The following WWTR1 variants were observed in gnomAD, a reference collection of about 807,000 sequenced individuals.
WWTR1 encodes WW domain-containing transcription regulator protein 1.
Under a neutral mutation model 40.1 loss-of-function variants are expected in WWTR1, and 13 were observed. The ratio of observed to expected loss-of-function variants is 0.32; its 90% confidence interval spans 0.21 to 0.52. The LOEUF (loss-of-function observed/expected upper bound fraction) is 0.52. Among genes scored for constraint, WWTR1 ranks in the 20% least tolerant of loss-of-function variants. The pLI is 0.97. For missense variants in WWTR1, 436 were observed against 523.1 expected (o/e 0.83, Z 1.63); for synonymous variants, 230 against 210.1 (o/e 1.09, Z -0.82).
chr3:149,684,217 T>C (rs1576639824), intron 1 of WWTR1, among the ~76,000 whole-genome samples: 1 of 152,226 alleles, frequency 6.6e-6, no homozygotes, highest in African/African-American at 2.4e-5. Context: ...AGACAGGGTC[T>C]CGCTATGTTG....
intron 3 of WWTR1, among the ~76,000 whole-genome samples, chr3:149,557,396 A>C (rs940745533): frequency 1.3e-5 from 2 of 152,078 alleles, no homozygotes; most frequent in African/African-American, 4.8e-5. Flanking sequence ...TTTTTTAAGG[A>C]CATTGTCCCC....
intron 1 of WWTR1, among the ~76,000 whole-genome samples, chr3:149,700,924 C>T (rs1219896031): frequency 1.3e-5 from 2 of 152,226 alleles, no homozygotes; most frequent in Non-Finnish European, 2.9e-5. Context: ...AACACCAGGA[C>T]TGAAACACAG....
rs1484643548 is a variant in WWTR1 at position 149,517,248 on chromosome 3, G to C, written c.*3557C>G. The C allele has an allele frequency of 6.6e-6, 1 of 152,120 alleles. No individual in the cohort carries two copies. Among genetic ancestry groups the C allele is most frequent in the Non-Finnish European group, 1.5e-5 (1 of 68,026 alleles). The allele number at this position is 152,120 out of a possible 1,614,324, so 9.4% of individuals were successfully genotyped here. On this transcript the variant is annotated 3_prime_UTR_variant, in exon 7 of 7. Transcript: ENST00000360632. ...AAAAGCTCCAAGTGGAAGTTCAATT[G>C]TCTTTATTTTTCTTATACAGATTCA...
At chr3:149,692,788 T>G (rs532359790) in intron 1 of WWTR1, among the ~76,000 whole-genome samples, 3 of 152,254 alleles carry the variant, frequency 2.0e-5, no homozygotes, top group African/African-American at 7.2e-5. Flanking sequence ...TGCCGGCCAC[T>G]GCACACAGCT....
chr3:149,634,354 T>G (rs151136872), intron 2 of WWTR1, among the ~76,000 whole-genome samples: 1,525 of 152,298 alleles, frequency 0.01, 12 homozygotes, highest in East Asian at 0.019. Context: ...ACAAAGTAAG[T>G]GCTAGGTACA....
chr3:149,551,065 A>G (rs897470865), intron 3 of WWTR1, among the ~76,000 whole-genome samples: 1 of 144,916 alleles, frequency 6.9e-6, no homozygotes, highest in Non-Finnish European at 1.5e-5. Context: ...TGGGAGGCTG[A>G]GGCGGGCAAA....
chr3:149,533,213 A>G (rs1735673730), intron 4 of WWTR1, among the ~76,000 whole-genome samples: 1 of 152,120 alleles, frequency 6.6e-6, no homozygotes, highest in African/African-American at 2.4e-5. Context: ...GCAGGTCATC[A>G]TTGCTTCTCT....
intron 2 of WWTR1, among the ~76,000 whole-genome samples, chr3:149,617,178 T>C (rs1221094102): frequency 6.6e-6 from 1 of 152,178 alleles, no homozygotes; most frequent in Non-Finnish European, 1.5e-5. Context: ...AGGAGCCACC[T>C]TGTGCCATGA....
intron 1 of WWTR1, among the ~76,000 whole-genome samples, chr3:149,695,469 A>G (rs945464797): frequency 6.6e-6 from 1 of 152,140 alleles, no homozygotes; most frequent in African/African-American, 2.4e-5. Context: ...AAATAAAAAA[A>G]TTATTAAAGG....
chr3:149,557,869 G>A (rs534815800), intron 3 of WWTR1, among the ~76,000 whole-genome samples: 10 of 151,756 alleles, frequency 6.6e-5, no homozygotes, highest in Admixed American at 2.0e-4. Flanking sequence ...CAAGCGTGGC[G>A]GTGTGTGCCT....
At chr3:149,628,753 T>TTTTAA (rs1711498293) in intron 2 of WWTR1, among the ~76,000 whole-genome samples, 1 of 47,276 alleles carries the variant, frequency 2.1e-5, no homozygotes, top group Non-Finnish European at 8.0e-5. Context: ...TTTTATTTTA[T>TTTTAA]TTTATTTTAT....
At position 149,528,919 on chromosome 3, in the gene WWTR1, A is replaced by G. The variant is rs186418815; in HGVS notation, c.772-950T>C. Among the ~76,000 whole-genome samples, 160 of 152,374 alleles carry G rather than the reference A, an allele frequency of 1.1e-3. 1 individual carries two copies. Among genetic ancestry groups the G allele is most frequent in the African/African-American group, 3.6e-3 (150 of 41,592 alleles). On this transcript the variant is annotated intron_variant, in intron 4 of 6. Coordinates refer to ENST00000360632, the MANE Select transcript of WWTR1 (RefSeq NM_015472.6). ...GATTTCATTAGCAGAAACAAATAATACAAGCATTATTTTATAAAAGCTAGC... is the reference window on the plus strand; with the variant it reads ...GATTTCATTAGCAGAAACAAATAATGCAAGCATTATTTTATAAAAGCTAGC...
chr3:149,638,194 C>T (rs1711946094), intron 2 of WWTR1, among the ~76,000 whole-genome samples: 1 of 151,878 alleles, frequency 6.6e-6, no homozygotes, highest in Non-Finnish European at 1.5e-5. Flanking sequence ...CCAGCCTGGG[C>T]AACAAGAGCG....
At chr3:149,590,624 T>C (rs62269353) in intron 2 of WWTR1, among the ~76,000 whole-genome samples, 9,630 of 152,120 alleles carry the variant, frequency 0.063, 390 homozygotes, top group Middle Eastern at 0.11. Context: ...CCAGCCTGGG[T>C]GACAAGAGGG....
rs1344523356 is a variant in WWTR1, at chr3:149,635,144, C to A, written c.431+21732G>T. 2.0e-5 allele frequency among the ~76,000 whole-genome samples: 3 copies of A among 152,192 alleles called. No individual in the cohort carries two copies. The East Asian group carries it at 5.8e-4, about 29-fold the overall frequency. On this transcript the variant is annotated intron_variant, in intron 2 of 6. Coordinates refer to ENST00000360632, the MANE Select transcript of WWTR1 (RefSeq NM_015472.6). ...TGTTCCTCTTCTCCTGGCTAGCTCA[C>A]AGGAGTGCTGGGGATACAGTGCTCT...
chr3:149,543,039 G>T (rs149612133), intron 3 of WWTR1, among the ~76,000 whole-genome samples: 1 of 152,316 alleles, frequency 6.6e-6, no homozygotes, highest in East Asian at 1.9e-4. Flanking sequence ...CGACATATAA[G>T]GAGGACTCCA....
chr3:149,645,289 C>T (rs935797152), intron 2 of WWTR1, among the ~76,000 whole-genome samples: 3 of 151,844 alleles, frequency 2.0e-5, no homozygotes, highest in Non-Finnish European at 2.9e-5. Context: ...CCGTGTTAGC[C>T]AGGATGGTCT....
At chr3:149,586,798 C>A (rs1437477075) in intron 2 of WWTR1, among the ~76,000 whole-genome samples, 1 of 152,144 alleles carries the variant, frequency 6.6e-6, no homozygotes, top group Non-Finnish European at 1.5e-5. Flanking sequence ...ATGAGCTGAT[C>A]ACCAGTGATG....
chr3:149,679,491 T>C (rs188370392), intron 1 of WWTR1, among the ~76,000 whole-genome samples: 310 of 152,204 alleles, frequency 2.0e-3, no homozygotes, highest in African/African-American at 7.2e-3. Context: ...CCCAGTAAAA[T>C]AGTAAACACA....
Sources: allele counts gnomAD v4.1 joint callset (sites outside exome capture counted in the v4.1 genomes callset), GRCh38; gene constraint gnomAD v4.1.1; transcripts MANE v1.5; gene names NCBI Gene and HGNC (gene_info 2026-07-23, HGNC 2026-07-21).